The following ZFYVE28 variants were observed in gnomAD, a reference collection of about 807,000 sequenced individuals.
The protein encoded by ZFYVE28 is lateral signaling target protein 2 homolog.
In ZFYVE28, 40 loss-of-function variants were observed where a neutral mutation model predicts 82.1. That is an observed-to-expected ratio of 0.49 (90% CI 0.38 to 0.63). The LOEUF is 0.63. ZFYVE28 is among the 30% of genes least tolerant of loss of function. The probability of loss-of-function intolerance (pLI) is 0.00; values close to 1 mark genes in which losing one functional copy is unlikely to be tolerated. For synonymous variants in ZFYVE28, 612 were observed against 546.1 expected, an observed-to-expected ratio of 1.12 and a Z score of -1.68; for missense variants, 1,321 against 1,242.1, an observed-to-expected ratio of 1.06 and a Z score of -0.96.
In ZFYVE28 at chr4:2,394,176, C is replaced by A. The variant is rs1372473689; in HGVS notation, c.39+24109G>T. 6.6e-6 allele frequency among the ~76,000 whole-genome samples: 1 copy of A among 152,218 alleles called. No individual in the cohort carries two copies. The highest frequency in any genetic ancestry group is 1.5e-5 in the Non-Finnish European group (1 of 68,024). ...GAGGACTCCTGTGGTTCCACTGGGG[C>A]CACCGACATAATCCAGGAAAATTTC... is the stretch of plus-strand genomic sequence containing the variant. On this transcript the variant is annotated intron_variant, in intron 1 of 12. Coordinates refer to ENST00000290974, the MANE Select transcript of ZFYVE28 (RefSeq NM_020972.3). This position sits in a 1 kb window ranked among gnomAD's most constrained non-coding sequence, Gnocchi z 4.0.
At chr4:2,309,728 G>A (rs1459628339) in intron 7 of ZFYVE28, among the ~76,000 whole-genome samples, 2 of 152,200 alleles carry the variant, frequency 1.3e-5, no homozygotes, top group African/African-American at 2.4e-5. Context: ...AGGGAAGTGT[G>A]CTGCAGTACA....
rs1300111070 is a variant in ZFYVE28, at chr4:2,373,315, T to C, written c.40-19242A>G. Among the ~76,000 whole-genome samples the C allele has an allele frequency of 4.6e-5, 7 of 150,968 alleles. No homozygotes were observed. The East Asian group carries it at 1.2e-3, about 25-fold the overall frequency. The stretch of plus-strand genomic sequence containing the variant: ...GAGTTCAAGACCAGCCTGGGCAACA[T>C]AGTGAGACCTACATCTCTACAAAAA... On this transcript the variant is annotated intron_variant, in intron 1 of 12. Coordinates refer to ENST00000290974, the MANE Select transcript of ZFYVE28 (RefSeq NM_020972.3).
intron 7 of ZFYVE28, among the ~76,000 whole-genome samples, chr4:2,306,641 A>G (rs990705232): frequency 3.3e-5 from 5 of 152,258 alleles, no homozygotes; most frequent in African/African-American, 1.2e-4. Flanking sequence ...TACTTTTAAA[A>G]TGTCATTAGA....
At chr4:2,291,059 C>G (rs1177700432) in intron 8 of ZFYVE28, among the ~76,000 whole-genome samples, 4 of 152,256 alleles carry the variant, frequency 2.6e-5, no homozygotes, top group South Asian at 2.1e-4. Context: ...CCCCGGCACA[C>G]GAGCGGGAGG....
At chr4:2,350,412 C>T (rs369405332) in intron 2 of ZFYVE28, among the ~76,000 whole-genome samples, 11 of 151,244 alleles carry the variant, frequency 7.3e-5, no homozygotes, top group African/African-American at 1.5e-4. Flanking sequence ...TGGACTGAGC[C>T]GAGATCGCGC....
chr4:2,322,428 C>T (rs1719225131), intron 6 of ZFYVE28, among the ~76,000 whole-genome samples: 1 of 151,330 alleles, frequency 6.6e-6, no homozygotes, highest in Non-Finnish European at 1.5e-5. Context: ...GCAGCACCCA[C>T]TGGTGAGCCT....
chr4:2,275,639 C>T (rs2108799532), intron 8 of ZFYVE28, among the ~76,000 whole-genome samples: 1 of 152,364 alleles, frequency 6.6e-6, no homozygotes, highest in East Asian at 1.9e-4. Flanking sequence ...CCTCGTCGAC[C>T]TGTGCAAAAA....
intron 1 of ZFYVE28, among the ~76,000 whole-genome samples, chr4:2,406,047 C>CAAAA (rs766149952): frequency 1.1e-5 from 1 of 90,470 alleles, no homozygotes; most frequent in Non-Finnish European, 2.1e-5. Flanking sequence ...GATTCTGTCT[C>CAAAA]AAAAAAAAAA....
At chr4:2,350,872 G>C (rs2108878418) in intron 2 of ZFYVE28, among the ~76,000 whole-genome samples, 1 of 152,350 alleles carries the variant, frequency 6.6e-6, no homozygotes, top group African/African-American at 2.4e-5. Context: ...CCACGGGACA[G>C]AAGCTCCTGC....
At chr4:2,378,845 T>G (rs1287009199) in intron 1 of ZFYVE28, among the ~76,000 whole-genome samples, 4 of 152,342 alleles carry the variant, frequency 2.6e-5, no homozygotes, top group Middle Eastern at 3.4e-3. Context: ...ATCTTGATTA[T>G]TCCCAAAGAA....
rs78826576 is a variant in ZFYVE28, at chr4:2,403,393, G to A, written c.39+14892C>T. Reference sequence around the variant, plus strand: ...CAGTCACACACACGAGTGTCAACACGCAATATGAGCCTTCCAGAATTCTCG... The same window carrying A: ...CAGTCACACACACGAGTGTCAACACACAATATGAGCCTTCCAGAATTCTCG... On this transcript the variant is annotated intron_variant, in intron 1 of 12. Transcript: ENST00000290974. 3.6e-3 allele frequency among the ~76,000 whole-genome samples: 554 copies of A among 152,386 alleles called. 13 individuals carry two copies. Among genetic ancestry groups the A allele is most frequent in the Admixed American group, 0.026 (398 of 15,314 alleles).
intron 1 of ZFYVE28, among the ~76,000 whole-genome samples, chr4:2,385,452 C>T (rs923117997): frequency 3.9e-5 from 6 of 152,212 alleles, no homozygotes; most frequent in African/African-American, 1.4e-4. Flanking sequence ...CTCCTGACCC[C>T]GGCCTGCCAA....
At chr4:2,366,719 G>A (rs1053523960) in intron 1 of ZFYVE28, among the ~76,000 whole-genome samples, 8 of 152,036 alleles carry the variant, frequency 5.3e-5, no homozygotes, top group East Asian at 1.9e-4. Flanking sequence ...TCTCTGATGT[G>A]GAAACAGACC....
intron 1 of ZFYVE28, among the ~76,000 whole-genome samples, chr4:2,388,449 G>GCTCA (rs1729498906): frequency 6.6e-6 from 1 of 151,998 alleles, no homozygotes; most frequent in African/African-American, 2.4e-5. Context: ...TTCCACAAGG[G>GCTCA]CTCACCTTCT....
At position 2,282,254 on chromosome 4, in the gene ZFYVE28, C is replaced by T. The variant is rs367838324; in HGVS notation, c.2052-8038G>A. Among the ~76,000 whole-genome samples, 5 of 152,242 alleles carry T rather than the reference C, an allele frequency of 3.3e-5. No individual in the cohort carries two copies. In the East Asian group the frequency reaches 9.6e-4, roughly 29 times the overall value. ...AGGCAGCAAAAACTCCCTGCAACAG[C>T]CCCACTTCGGTTTGAACTACTATGA... On this transcript the variant is annotated intron_variant, in intron 8 of 12. Coordinates refer to ENST00000290974, the MANE Select transcript of ZFYVE28 (RefSeq NM_020972.3).
At chr4:2,285,476 C>G (rs1023940922) in intron 8 of ZFYVE28, 1 of 152,290 alleles carries the variant, frequency 6.6e-6, no homozygotes, top group African/African-American at 2.4e-5. Context: ...AGCAAGTAAG[C>G]TGATTTCTTC....
chr4:2,277,520 T>A (rs924923886), intron 8 of ZFYVE28, among the ~76,000 whole-genome samples: 27 of 151,958 alleles, frequency 1.8e-4, no homozygotes, highest in African/African-American at 6.3e-4. Context: ...AAAAAAAAGA[T>A]CATTTGTGTT....
chr4:2,334,260 G>A (rs1452970887), intron 6 of ZFYVE28, among the ~76,000 whole-genome samples: 1 of 152,090 alleles, frequency 6.6e-6, no homozygotes, highest in Non-Finnish European at 1.5e-5. Flanking sequence ...AGACCACGCT[G>A]GAGCCCTCCC....
At chr4:2,275,775 C>T (rs1279336522) in intron 8 of ZFYVE28, among the ~76,000 whole-genome samples, 1 of 152,256 alleles carries the variant, frequency 6.6e-6, no homozygotes, top group African/African-American at 2.4e-5. Flanking sequence ...CACTCTGGAG[C>T]CCGGTGGCCT....
Sources: gnomAD v4.1 joint callset for allele counts (sites outside exome capture counted in the v4.1 genomes callset) on GRCh38, gnomAD v4.1.1 for gene constraint, Gnocchi (gnomAD v3.1) non-coding constraint, MANE v1.5 for transcripts, NCBI Gene and HGNC (gene_info 2026-07-23, HGNC 2026-07-21) for gene names.